The following ZNF385D variants were observed in gnomAD, a reference collection of about 807,000 sequenced individuals.
ZNF385D encodes the protein zinc finger protein 659.
ZNF385D carries 15 observed loss-of-function variants against 35.8 expected under a neutral mutation model. The ratio of observed to expected loss-of-function variants is 0.42; its 90% CI spans 0.28 to 0.64. The LOEUF (loss-of-function observed/expected upper bound fraction) is 0.64. Among genes scored for constraint, ZNF385D ranks in the 30% least tolerant of loss-of-function variants. The pLI, the probability that ZNF385D is intolerant of heterozygous loss-of-function variation, is 0.23. For synonymous variants in ZNF385D, 212 were observed against 186.8 expected (o/e 1.13, Z -1.10); for missense variants, 474 against 494.6 (o/e 0.96, Z 0.39).
chr3:21,941,708 A>G (rs1013961481), intron 3 of ZNF385D, among the ~76,000 whole-genome samples: 2 of 151,954 alleles, frequency 1.3e-5, no homozygotes, highest in Non-Finnish European at 2.9e-5. Context: ...CGTATTAGCT[A>G]GGATGGTCTC....
intron 1 of ZNF385D, among the ~76,000 whole-genome samples, chr3:21,689,592 CTT>C (rs2067216548): frequency 6.6e-6 from 1 of 152,152 alleles, no homozygotes; most frequent in Non-Finnish European, 1.5e-5. Flanking sequence ...AGGTATCAAT[CTT>C]TGAAAACCTG....
chr3:21,781,757 A>G (rs369743267), intron 3 of ZNF385D, among the ~76,000 whole-genome samples: 1 of 152,058 alleles, frequency 6.6e-6, no homozygotes, highest in African/African-American at 2.4e-5. Flanking sequence ...ATATAAGCAG[A>G]TATTTGGAGG....
chr3:21,969,834 C>T (rs1703136719), intron 3 of ZNF385D, among the ~76,000 whole-genome samples: 2 of 152,074 alleles, frequency 1.3e-5, no homozygotes, highest in South Asian at 4.1e-4. Flanking sequence ...GTCACCCTAT[C>T]TCAGCTCCAG....
intron 3 of ZNF385D, among the ~76,000 whole-genome samples, chr3:21,778,609 T>A (rs1229024320): frequency 6.6e-6 from 1 of 151,926 alleles, no homozygotes; most frequent in African/African-American, 2.4e-5. Flanking sequence ...TATATACCTG[T>A]CTCAACTGAG....
chr3:21,702,749 C>T (rs570242059), intron 1 of ZNF385D, among the ~76,000 whole-genome samples: 1 of 152,176 alleles, frequency 6.6e-6, no homozygotes, highest in Non-Finnish European at 1.5e-5. Flanking sequence ...ATCTCTCTCA[C>T]GTTCAAAGTT....
intron 2 of ZNF385D, among the ~76,000 whole-genome samples, chr3:22,207,676 G>T (rs953362862): frequency 6.6e-6 from 1 of 151,664 alleles, no homozygotes; most frequent in African/African-American, 2.4e-5. Context: ...GGAGACAAAG[G>T]ACTAATAACC....
intron 2 of ZNF385D, among the ~76,000 whole-genome samples, chr3:22,271,173 A>G (rs549016797): frequency 6.6e-6 from 1 of 151,944 alleles, no homozygotes; most frequent in Non-Finnish European, 1.5e-5. Context: ...TTAGAAAATT[A>G]TATCATAATA....
chr3:21,995,021 C>T (rs1244225321), intron 3 of ZNF385D, among the ~76,000 whole-genome samples: 1 of 152,218 alleles, frequency 6.6e-6, no homozygotes, highest in African/African-American at 2.4e-5. Flanking sequence ...CCTCTTGCCT[C>T]CAGGCAACTT....
intron 3 of ZNF385D, among the ~76,000 whole-genome samples, chr3:21,999,044 A>G (rs150493815): frequency 5.9e-5 from 9 of 151,968 alleles, no homozygotes; most frequent in Admixed American, 2.0e-4. Flanking sequence ...GCTTTACTAC[A>G]CCTCCTAAGT....
intron 2 of ZNF385D, among the ~76,000 whole-genome samples, chr3:21,588,311 CT>C (rs1286936075): frequency 1.3e-5 from 2 of 152,126 alleles, no homozygotes; most frequent in East Asian, 1.9e-4. Context: ...TTAGGTTCAA[CT>C]TTTAAGACTT....
At chr3:22,166,178 G>GTATAATTTCAGACCAAA (rs1553621039) in intron 3 of ZNF385D, among the ~76,000 whole-genome samples, 16 of 152,010 alleles carry the variant, frequency 1.1e-4, no homozygotes, top group South Asian at 6.2e-4. Flanking sequence ...GTTTTTCGTG[G>GTATAATTTCAGACCAAA]CCTACATCAT....
At chr3:21,433,337 C>A (rs1240551474) in intron 5 of ZNF385D, among the ~76,000 whole-genome samples, 1 of 152,116 alleles carries the variant, frequency 6.6e-6, no homozygotes, top group Non-Finnish European at 1.5e-5. Context: ...ATGCTACAGA[C>A]CCTATTTTAT....
intron 3 of ZNF385D, among the ~76,000 whole-genome samples, chr3:21,792,930 T>G (rs1280345338): frequency 6.6e-6 from 1 of 152,308 alleles, no homozygotes; most frequent in East Asian, 1.9e-4. Context: ...CACTGACTTT[T>G]GTGTAAATAT....
intron 3 of ZNF385D, among the ~76,000 whole-genome samples, chr3:21,773,334 T>G (rs1296173621): frequency 6.6e-6 from 1 of 151,904 alleles, no homozygotes; most frequent in African/African-American, 2.4e-5. Flanking sequence ...TAGGTTTCTC[T>G]TTTAAAAACA....
chr3:21,666,603 A>G lies in ZNF385D; in HGVS notation c.23-1575T>C, dbSNP rs193155078. ...CTACATTCACCAGAGCACACACACT[A>G]TAAACTTAGTTTATTGTCCACTTGG... On this transcript the variant is annotated intron_variant, in intron 1 of 7. Transcript: ENST00000281523. 2.5e-4 allele frequency among the ~76,000 whole-genome samples: 38 copies of G among 152,210 alleles called. 1 individual carries two copies. The highest frequency in any genetic ancestry group is 2.2e-3 in the Admixed American group (33 of 15,288).
intron 3 of ZNF385D, among the ~76,000 whole-genome samples, chr3:22,002,056 A>G (rs1695874451): frequency 6.6e-6 from 1 of 151,930 alleles, no homozygotes. Flanking sequence ...AGCAAACCAA[A>G]CTCAAAATTA....
At chr3:21,807,296 A>G (rs969292297) in intron 3 of ZNF385D, among the ~76,000 whole-genome samples, 7 of 152,254 alleles carry the variant, frequency 4.6e-5, no homozygotes, top group African/African-American at 1.7e-4. Context: ...TCAACTTGCT[A>G]TTTTTCAAGT....
At chr3:22,371,164 T>G (rs771008226) in intron 2 of ZNF385D, among the ~76,000 whole-genome samples, 1 of 152,146 alleles carries the variant, frequency 6.6e-6, no homozygotes, top group African/African-American at 2.4e-5. Flanking sequence ...ACCAGAGTAG[T>G]GTGACTGAAT....
intron 3 of ZNF385D, among the ~76,000 whole-genome samples, chr3:21,976,463 T>C (rs981998551): frequency 6.6e-6 from 1 of 152,018 alleles, no homozygotes; most frequent in African/African-American, 2.4e-5. Context: ...GATAGCATGA[T>C]AGAGGGACGC....
Sources: allele counts gnomAD v4.1 joint callset (sites outside exome capture counted in the v4.1 genomes callset), GRCh38; gene constraint gnomAD v4.1.1; transcripts MANE v1.5; gene names NCBI Gene and HGNC (gene_info 2026-07-23, HGNC 2026-07-21).